The following CAST variants were observed in gnomAD, a reference collection of about 807,000 sequenced individuals.
CAST encodes the protein MIR583 host.
A neutral mutation model predicts 119.6 loss-of-function variants in CAST; 76 were observed. The ratio of observed to expected loss-of-function variants is 0.64; its 90% CI spans 0.53 to 0.77. The LOEUF (loss-of-function observed/expected upper bound fraction) is 0.77. Among genes scored for constraint, CAST ranks in the 30% least tolerant of loss-of-function variants. The pLI is 0.00. For missense variants in CAST, 953 were observed against 946.5 expected (o/e 1.01, Z -0.09); for synonymous variants, 319 against 331.6 (o/e 0.96, Z 0.41).
the CAST span, among the ~76,000 whole-genome samples, chr5:96,261,935 A>T: frequency 6.6e-6 from 1 of 152,204 alleles, no homozygotes; most frequent in Non-Finnish European, 1.5e-5. Context: ...TCTAATCCTC[A>T]CAAAACCTTT....
At chr5:96,713,133 CTT>C (rs11406642) in intron 3 of CAST, among the ~76,000 whole-genome samples, 29 of 136,718 alleles carry the variant, frequency 2.1e-4, no homozygotes, top group Admixed American at 3.0e-4. Context: ...CAGAATTTCT[CTT>C]TTTTTTTTTT....
chr5:96,225,468 A>G, the CAST span, among the ~76,000 whole-genome samples: 3 of 152,196 alleles, frequency 2.0e-5, no homozygotes, highest in South Asian at 6.2e-4. Flanking sequence ...AAGATCATAG[A>G]TAGAAAAGAG....
chr5:96,008,322 A>G, the CAST span, among the ~76,000 whole-genome samples: 1 of 152,182 alleles, frequency 6.6e-6, no homozygotes, highest in Non-Finnish European at 1.5e-5. Context: ...CTGTTACTAT[A>G]CTCTAAAACC....
chr5:96,293,654 C>T, the CAST span, among the ~76,000 whole-genome samples: 1 of 152,086 alleles, frequency 6.6e-6, no homozygotes, highest in African/African-American at 2.4e-5. Context: ...TCTAGAAGCA[C>T]TCAATTTGAC....
At chr5:96,486,410 A>G in the CAST span, among the ~76,000 whole-genome samples, 33 of 152,286 alleles carry the variant, frequency 2.2e-4, no homozygotes, top group South Asian at 6.6e-3. Context: ...CACTCCAGAC[A>G]GAGACACACC....
the CAST span, among the ~76,000 whole-genome samples, chr5:96,271,381 TG>T: frequency 6.6e-6 from 1 of 152,040 alleles, no homozygotes; most frequent in Non-Finnish European, 1.5e-5. Context: ...CAAATCAGCA[TG>T]GTACAAGCAT....
At chr5:96,210,914 G>T in the CAST span, among the ~76,000 whole-genome samples, 1 of 151,724 alleles carries the variant, frequency 6.6e-6, no homozygotes, top group Non-Finnish European at 1.5e-5. Context: ...TTACATTCAA[G>T]TACTTCATTT....
chr5:96,750,952 C>T (rs1283253773), intron 20 of CAST, among the ~76,000 whole-genome samples: 2 of 152,132 alleles, frequency 1.3e-5, no homozygotes, highest in Non-Finnish European at 2.9e-5. Context: ...GATAATCCTG[C>T]CTTTTCACTT....
chr5:96,324,924 G>T, the CAST span, among the ~76,000 whole-genome samples: 2 of 152,156 alleles, frequency 1.3e-5, no homozygotes, highest in Non-Finnish European at 2.9e-5. Context: ...TTGATTGGTT[G>T]CCAGGCACAG....
In CAST at chr5:96,767,999, G is replaced by A; in HGVS notation, c.2268G>A (p.Lys756=). ...CAGAAACCTCACAGAACACAGCAAA[G>A]GTACTGTGCTTTTTCACATTTCACT... ...STTETSQNTA[K]DKCKKAASSS... is the part of the protein sequence containing the mutation. Residue 756 remains lysine (K), a splice_region_variant and synonymous_variant, in exon 29 of 32, where the codon AAG becomes AAA. Coordinates refer to ENST00000675179, the MANE Select transcript of CAST (RefSeq NM_001750.7). 6.3e-7 allele frequency: 1 copy of A among 1,596,214 alleles called. No homozygotes were observed. The highest frequency in any genetic ancestry group is 1.1e-5 in the South Asian group (1 of 90,718).
chr5:96,452,956 C>CAAAAAAAAAAAA, the CAST span, among the ~76,000 whole-genome samples: 25 of 62,704 alleles, frequency 4.0e-4, 1 homozygote, highest in African/African-American at 2.4e-3. Context: ...GACTCCGTCT[C>CAAAAAAAAAAAA]AAAAAAAAAA....
the CAST span, among the ~76,000 whole-genome samples, chr5:96,192,028 C>G: frequency 6.6e-6 from 1 of 152,114 alleles, no homozygotes; most frequent in African/African-American, 2.4e-5. Context: ...AAGAACCCAG[C>G]ATATTTGTGC....
chr5:96,514,000 A>G, the CAST span, among the ~76,000 whole-genome samples: 1 of 152,118 alleles, frequency 6.6e-6, no homozygotes, highest in African/African-American at 2.4e-5. Context: ...GTCACAGAAT[A>G]CTTTTCTGTT....
the CAST span, among the ~76,000 whole-genome samples, chr5:96,268,365 A>ATTGCACCACTGCACTCC: frequency 1.3e-5 from 2 of 152,178 alleles, no homozygotes; most frequent in African/African-American, 4.8e-5. Flanking sequence ...CTGAGGCAAG[A>ATTGCACCACTGCACTCC]AGTTCGGGCC....
At chr5:96,383,741 A>G in the CAST span, among the ~76,000 whole-genome samples, 16 of 152,222 alleles carry the variant, frequency 1.1e-4, no homozygotes, top group African/African-American at 3.9e-4. Flanking sequence ...TTTTGGTTTT[A>G]TCCTAAGTAC....
chr5:96,078,774 T>A, the CAST span, among the ~76,000 whole-genome samples: 9 of 152,198 alleles, frequency 5.9e-5, no homozygotes, highest in African/African-American at 2.2e-4. Context: ...GATTTAAGAA[T>A]GTATTTCACA....
chr5:96,692,652 C>G (rs1752863749), intron 2 of CAST, among the ~76,000 whole-genome samples: 1 of 152,150 alleles, frequency 6.6e-6, no homozygotes, highest in Non-Finnish European at 1.5e-5. Context: ...TTGGTTTCCA[C>G]ACAGCAGTCA....
chr5:96,474,986 A>G, the CAST span, among the ~76,000 whole-genome samples: 3 of 152,096 alleles, frequency 2.0e-5, no homozygotes, highest in African/African-American at 7.2e-5. Flanking sequence ...AATACGTAAA[A>G]CTGTGTTGTT....
At chr5:96,275,461 A>G in the CAST span, among the ~76,000 whole-genome samples, 11 of 152,208 alleles carry the variant, frequency 7.2e-5, no homozygotes, top group African/African-American at 2.7e-4. Flanking sequence ...TTGGAATGTC[A>G]TCCAGTTGGC....
Sources: allele counts gnomAD v4.1 joint callset (sites outside exome capture counted in the v4.1 genomes callset), GRCh38; gene constraint gnomAD v4.1.1; transcripts MANE v1.5; gene names NCBI Gene and HGNC (gene_info 2026-07-23, HGNC 2026-07-21).